The following DDHD2 variants were observed in gnomAD, a reference collection of about 807,000 sequenced individuals.
DDHD2 encodes the protein triacylglycerol hydrolase DDHD2.
DDHD2 carries 62 observed loss-of-function variants against 91.2 expected under a neutral mutation model. That is an observed-to-expected ratio of 0.68 (90% CI 0.55 to 0.84). The LOEUF (loss-of-function observed/expected upper bound fraction) is 0.84. Ranked by LOEUF, DDHD2 falls within the 40% of genes least tolerant of loss-of-function variation. The probability of loss-of-function intolerance (pLI) is 0.00; values close to 1 mark genes in which losing one functional copy is unlikely to be tolerated. For missense variants in DDHD2, 740 were observed against 846.9 expected (o/e 0.87, Z 1.57); for synonymous variants, 271 against 293.9 (o/e 0.92, Z 0.80).
chr8:38,234,886 G>C (rs1355743939), intron 3 of DDHD2, among the ~76,000 whole-genome samples: 1 of 151,740 alleles, frequency 6.6e-6, no homozygotes, highest in African/African-American at 2.4e-5. Flanking sequence ...TCATGCCTCA[G>C]CCTCCCAAGT....
At chr8:38,258,467 G>A (rs1439110617) in intron 16 of DDHD2, among the ~76,000 whole-genome samples, 4 of 152,070 alleles carry the variant, frequency 2.6e-5, no homozygotes, top group Non-Finnish European at 4.4e-5. Context: ...TGGCCAGGCT[G>A]GTCTCGAACG....
chr8:38,241,615 C>T (rs571279737), intron 6 of DDHD2, among the ~76,000 whole-genome samples: 8 of 151,344 alleles, frequency 5.3e-5, no homozygotes, highest in East Asian at 4.0e-4. Flanking sequence ...GATGGGGTTT[C>T]GCCATGTTGG....
At chr8:38,235,025 T>A (rs939187356) in intron 3 of DDHD2, among the ~76,000 whole-genome samples, 2 of 152,120 alleles carry the variant, frequency 1.3e-5, no homozygotes, top group Non-Finnish European at 2.9e-5. Context: ...AAATCAGGAA[T>A]GGTTTGACGG....
chr8:38,268,626 G>C (rs1353360370), intron 1 of DDHD2: 122 of 1,439,160 alleles, frequency 8.5e-5, no homozygotes, highest in Non-Finnish European at 1.1e-4. Context: ...AGCAGCGCCC[G>C]TGCGGCTCGG....
downstream of DDHD2, chr8:38,267,050 G>A: frequency 2.1e-6 from 3 of 1,420,178 alleles, no homozygotes; most frequent in South Asian, 1.6e-5. Flanking sequence ...ACAATTAAAT[G>A]TGCAAATCTC....
In DDHD2 at chr8:38,237,382, AAAC is replaced by A. The variant is rs971571020; in HGVS notation, c.412-141_412-139del. On this transcript the variant is annotated intron_variant, in intron 3 of 17. Transcript: ENST00000397166. ...CAGAGTAAGACAAACAAAACAAAACAAACAACAACAACAACAAAAAGATTTAAA... is the reference window on the plus strand; with the variant it reads ...CAGAGTAAGACAAACAAAACAAAACAAACAACAACAACAAAAAGATTTAAA... 3.3e-4 allele frequency among the ~76,000 whole-genome samples: 51 copies of A among 152,264 alleles called. 1 individual carries two copies. The highest frequency in any genetic ancestry group is 1.2e-3 in the African/African-American group (48 of 41,554).
chr8:38,267,815 G>C, downstream of DDHD2: 3 of 1,316,516 alleles, frequency 2.3e-6, no homozygotes, highest in South Asian at 2.4e-5. Flanking sequence ...TGAGAAAGAC[G>C]TGTGGTGGAC....
downstream of DDHD2, chr8:38,263,303 T>TG (rs1290521765): frequency 2.5e-6 from 2 of 804,390 alleles, no homozygotes; most frequent in African/African-American, 3.7e-5. Flanking sequence ...TATTCCATTG[T>TG]GAAGAAGGGG....
intron 4 of DDHD2, 59 bp from the exon 5 acceptor site, chr8:38,238,030 T>C (rs1001403350): frequency 1.4e-6 from 2 of 1,465,114 alleles, no homozygotes; most frequent in African/African-American, 1.4e-5. Flanking sequence ...TAAAACTGCA[T>C]TGTATAGAGA....
At chr8:38,248,988 T>C (rs1805887585) in intron 10 of DDHD2, among the ~76,000 whole-genome samples, 1 of 151,546 alleles carries the variant, frequency 6.6e-6, no homozygotes, top group Non-Finnish European at 1.5e-5. Context: ...GAGATCTTGA[T>C]TGTTAGTCTG....
chr8:38,257,252 T>TG (rs1806586966), intron 16 of DDHD2, among the ~76,000 whole-genome samples: 1 of 138,116 alleles, frequency 7.2e-6, no homozygotes, highest in Non-Finnish European at 1.6e-5. Flanking sequence ...TTTTTTTTTT[T>TG]TTTTTTTTTT....
At chr8:38,265,133 G>C (rs1807388670), downstream of DDHD2, 1 of 551,942 alleles carries the variant, frequency 1.8e-6, no homozygotes, top group Non-Finnish European at 3.2e-6. Flanking sequence ...GGGCGTGGTG[G>C]CATGTGCCTG....
chr8:38,271,501 T>C (rs535804608), downstream of DDHD2: 1 of 152,230 alleles, frequency 6.6e-6, no homozygotes, highest in South Asian at 2.1e-4. Context: ...ATTTCCAACT[T>C]TTCAGTATTT....
chr8:38,265,995 A>G, downstream of DDHD2: 2 of 533,488 alleles, frequency 3.7e-6, no homozygotes, highest in Non-Finnish European at 6.1e-6. Flanking sequence ...CTATAATTTT[A>G]AATGTACTTA....
At chr8:38,258,954 G>T (rs1232681753) in intron 16 of DDHD2, among the ~76,000 whole-genome samples, 1 of 152,240 alleles carries the variant, frequency 6.6e-6, no homozygotes, top group African/African-American at 2.4e-5. Flanking sequence ...TTGTGCATAC[G>T]TAGAATAATA....
rs1807022013 is a variant in DDHD2, at chr8:38,261,466, G to A, written c.*893G>A. On this transcript the variant is annotated 3_prime_UTR_variant, in exon 18 of 18. Coordinates refer to ENST00000397166, the MANE Select transcript of DDHD2 (RefSeq NM_015214.3). ...AAAACCTTTTAGTGGTGCCTTTATG[G>A]TGAAACAGAATTTGTCACCTGCCAT... 6.6e-6 allele frequency: 1 copy of A among 152,148 alleles called. No homozygotes were observed. Among genetic ancestry groups the A allele is most frequent in the Non-Finnish European group, 1.5e-5 (1 of 68,036 alleles). The allele number at this position is 152,148 out of a possible 1,614,324, so 9.4% of individuals were successfully genotyped here.
At chr8:38,257,242 T>TG (rs1806583526) in intron 16 of DDHD2, among the ~76,000 whole-genome samples, 1 of 129,548 alleles carries the variant, frequency 7.7e-6, no homozygotes, top group African/African-American at 2.9e-5. Context: ...CAACAAGTTT[T>TG]TTTTTTTTTT....
chr8:38,270,091 A>AATTAT (rs1201413683), intron 1 of DDHD2: 1 of 152,236 alleles, frequency 6.6e-6, no homozygotes, highest in African/African-American at 2.4e-5. Flanking sequence ...GTCATTATAC[A>AATTAT]GTAATGCCCT....
intron 14 of DDHD2, 31 bp downstream of exon 14, chr8:38,252,855 A>G (rs1806219530): frequency 6.2e-7 from 1 of 1,610,678 alleles, no homozygotes; most frequent in Admixed American, 1.7e-5. Context: ...TGATAATTCT[A>G]GACCTTTTGG....
Sources: gnomAD v4.1 joint callset for allele counts (sites outside exome capture counted in the v4.1 genomes callset) on GRCh38, gnomAD v4.1.1 for gene constraint, MANE v1.5 for transcripts, NCBI Gene and HGNC (gene_info 2026-07-23, HGNC 2026-07-21) for gene names.